The following CACYBP variants were observed in gnomAD, a reference collection of about 807,000 sequenced individuals.
CACYBP encodes calcyclin-binding protein.
CACYBP carries 11 observed loss-of-function variants against 29.6 expected under a neutral mutation model. The ratio of observed to expected loss-of-function variants is 0.37; its 90% CI spans 0.23 to 0.61. CACYBP has a LOEUF of 0.61. CACYBP is among the 20% of genes least tolerant of loss of function. The pLI, the probability that CACYBP is intolerant of heterozygous loss-of-function variation, is 0.65. For synonymous variants in CACYBP, 73 were observed against 88.3 expected (o/e 0.83, Z 0.97); for missense variants, 163 against 260.7 (o/e 0.63, Z 2.58).
In CACYBP at chr1:175,000,094, T is replaced by A; in HGVS notation, c.-87T>A. On this transcript the variant is annotated 5_prime_UTR_variant, in exon 1 of 6. Transcript: ENST00000367679. ...GCCGCGACTCGTGCGGGTAGGCGTC[T>A]GCGCTCGGTTTGAGGGCTCGGCGCG... is the stretch of plus-strand genomic sequence containing the variant. 1 of 1,537,466 alleles carries A rather than the reference T, an allele frequency of 6.5e-7. No homozygotes were observed. Among genetic ancestry groups the A allele is most frequent in the East Asian group, 2.4e-5 (1 of 40,972 alleles).
rs1193194586 is a variant in CACYBP at position 175,010,811 on chromosome 1, T to C, written c.*732T>C. 1 of 152,206 alleles carries C rather than the reference T, an allele frequency of 6.6e-6. No individual in the cohort carries two copies. Among genetic ancestry groups the C allele is most frequent in the Non-Finnish European group, 1.5e-5 (1 of 68,024 alleles). The allele number at this position is 152,206 out of a possible 1,614,324, so 9.4% of individuals were successfully genotyped here. On this transcript the variant is annotated 3_prime_UTR_variant, in exon 6 of 6. Coordinates refer to ENST00000367679, the MANE Select transcript of CACYBP (RefSeq NM_014412.3). ...AAGTTTTTCTTCATTAGAACAGTTT[T>C]ATGATTTATTTGTCTAGGAGTATGT...
At chr1:175,008,966 G>C in intron 5 of CACYBP, 1 of 377,324 alleles carries the variant, frequency 2.7e-6, no homozygotes, top group Non-Finnish European at 4.8e-6. Context: ...TAGTTTGAGA[G>C]GGGCTTAGGT....
At chr1:175,006,986 G>T in intron 3 of CACYBP, 112 bp from the exon 4 acceptor site, 1 of 855,618 alleles carries the variant, frequency 1.2e-6, no homozygotes, top group Non-Finnish European at 1.9e-6. Context: ...AGCGTTAACT[G>T]GCCAAATGCA....
intron 1 of CACYBP, among the ~76,000 whole-genome samples, chr1:175,004,392 GT>G (rs1672563616): frequency 6.6e-6 from 1 of 152,084 alleles, no homozygotes; most frequent in South Asian, 2.1e-4. Flanking sequence ...TTTATTGTTT[GT>G]TCAAGATTGT....
rs1672743798 is a variant in CACYBP at position 175,011,155 on chromosome 1, A to C, written c.*1076A>C. 1.3e-5 allele frequency: 2 copies of C among 151,768 alleles called. No individual in the cohort carries two copies. The allele number at this position is 151,768 out of a possible 1,614,324, so 9.4% of individuals were successfully genotyped here. A position where few individuals can be genotyped will look rare whatever the true frequency, so the allele number is the denominator to read the frequency against. Reference sequence around the variant, plus strand: ...CGTTAGACACACAGGAAAAATCCAGAAGGGTAAACTAAACTAAAGCTACAA... The same window carrying C: ...CGTTAGACACACAGGAAAAATCCAGCAGGGTAAACTAAACTAAAGCTACAA... On this transcript the variant is annotated 3_prime_UTR_variant, in exon 6 of 6. Coordinates refer to ENST00000367679, the MANE Select transcript of CACYBP (RefSeq NM_014412.3).
In CACYBP at chr1:175,000,191, A is replaced by AAG. The variant is rs1672433385; in HGVS notation, c.14_15dup (p.Leu6SerfsTer6). ...CCTGACCCAGCCCCCATGGCTTCAGAAGAGGTAAGTGGTCCGGCCCCATAT... is the reference window on the plus strand; with the variant it reads ...CCTGACCCAGCCCCCATGGCTTCAGAAGAGAGGTAAGTGGTCCGGCCCCATAT... On this transcript the variant is annotated frameshift_variant, in exon 1 of 6. Transcript: ENST00000367679. LOFTEE classifies it high-confidence loss of function. 3 of 1,608,128 alleles carry AAG rather than the reference A, an allele frequency of 1.9e-6. No homozygotes were observed. In the African/African-American group the frequency reaches 4.0e-5, roughly 22 times the overall value.
intron 1 of CACYBP, among the ~76,000 whole-genome samples, chr1:175,002,921 A>G (rs1672527216): frequency 6.6e-6 from 1 of 152,318 alleles, no homozygotes. Context: ...ATTTCATTTT[A>G]CATTTCAATA....
intron 5 of CACYBP, among the ~76,000 whole-genome samples, chr1:175,009,684 C>T (rs906569519): frequency 1.3e-5 from 2 of 150,514 alleles, no homozygotes; most frequent in African/African-American, 4.9e-5. Context: ...AATCCCTGTG[C>T]CTAAAAATAG....
At chr1:175,008,855 C>A in intron 5 of CACYBP, 149 bp downstream of exon 5, 1 of 608,300 alleles carries the variant, frequency 1.6e-6, no homozygotes, top group Non-Finnish European at 3.0e-6. Context: ...TTTTTAAGGT[C>A]TTTGTAGTTA....
At chr1:175,008,508 A>G in intron 4 of CACYBP, 101 bp from the exon 5 acceptor site, 1 of 690,486 alleles carries the variant, frequency 1.4e-6, no homozygotes, top group Non-Finnish European at 2.6e-6. Flanking sequence ...AAGTCTATAC[A>G]TACTAGGGAC....
At position 175,004,467 on chromosome 1, in the gene CACYBP, G is replaced by T. The variant is rs1367043045; in HGVS notation, c.16-147G>T. 3 of 545,600 alleles carry T rather than the reference G, an allele frequency of 5.5e-6. No homozygotes were observed. The African/African-American group carries it at 5.7e-5, about 10-fold the overall frequency. The allele number at this position is 545,600 out of a possible 1,614,324, so 33.8% of individuals were successfully genotyped here. On this transcript the variant is annotated intron_variant, in intron 1 of 5. Coordinates refer to ENST00000367679, the MANE Select transcript of CACYBP (RefSeq NM_014412.3). ...ATTACAGTTAATAAGCCAGATGGAA[G>T]AATTGAAGTTGCAACTCAATCCTAG...
At chr1:175,003,315 C>T (rs773641163) in intron 1 of CACYBP, among the ~76,000 whole-genome samples, 6 of 152,198 alleles carry the variant, frequency 3.9e-5, no homozygotes, top group South Asian at 2.1e-4. Flanking sequence ...GACGGGCTTT[C>T]GCCGTGTTGG....
rs1672765146 is a variant in CACYBP, at chr1:175,011,833, G to C, written c.*1754G>C. 6.6e-6 allele frequency: 1 copy of C among 152,290 alleles called. No homozygotes were observed. The highest frequency in any genetic ancestry group is 2.4e-5 in the African/African-American group (1 of 41,462). The allele number at this position is 152,290 out of a possible 1,614,324, so 9.4% of individuals were successfully genotyped here. On this transcript the variant is annotated 3_prime_UTR_variant, in exon 6 of 6. Coordinates refer to ENST00000367679, the MANE Select transcript of CACYBP (RefSeq NM_014412.3). ...TAACAAGAATATTTGGGCAGGTGCA[G>C]TGGCTCACACCTGTAATCCCAACAC...
chr1:174,999,807 C>T (rs188762152), upstream of CACYBP: 1 of 401,320 alleles, frequency 2.5e-6, no homozygotes, highest in Non-Finnish European at 4.5e-6. Context: ...CAAGACATTA[C>T]TCTTCTCGGA....
At chr1:175,002,053 C>G (rs1397917887) in intron 1 of CACYBP, among the ~76,000 whole-genome samples, 1 of 152,124 alleles carries the variant, frequency 6.6e-6, no homozygotes, top group East Asian at 1.9e-4. Context: ...GCCTTATTTC[C>G]ACTTCGTGAC....
In CACYBP at chr1:175,000,019, G is replaced by C; in HGVS notation, c.-162G>C. Reference sequence around the variant, plus strand: ...GAAGGTTCGAGATCCGTCGCGTGCGGGAGGCGGGCCGCGATCTTGCGCAGG... The same window carrying C: ...GAAGGTTCGAGATCCGTCGCGTGCGCGAGGCGGGCCGCGATCTTGCGCAGG... On this transcript the variant is annotated 5_prime_UTR_variant, in exon 1 of 6. Transcript: ENST00000367679. The C allele has an allele frequency of 9.7e-7, 1 of 1,025,946 alleles. No homozygotes were observed. Among genetic ancestry groups the C allele is most frequent in the Non-Finnish European group, 1.5e-6 (1 of 687,624 alleles). 63.6% of individuals were successfully genotyped at this position (1,025,946 alleles called of 1,614,324 possible). A position where few individuals can be genotyped will look rare whatever the true frequency, so the allele number is the denominator to read the frequency against.
rs1262217574 is a variant in CACYBP at position 175,011,263 on chromosome 1, AAC to A, written c.*1188_*1189del. ...TAGGATAGCTATAAGTAAATACTGAAACACATTATGCCTCTGTAATTGGGGTT... is the reference window on the plus strand; with the variant it reads ...TAGGATAGCTATAAGTAAATACTGAAACATTATGCCTCTGTAATTGGGGTT... On this transcript the variant is annotated 3_prime_UTR_variant, in exon 6 of 6. Coordinates refer to ENST00000367679, the MANE Select transcript of CACYBP (RefSeq NM_014412.3). The A allele has an allele frequency of 6.6e-6, 1 of 152,210 alleles. No individual in the cohort carries two copies. The highest frequency in any genetic ancestry group is 1.5e-5 in the Non-Finnish European group (1 of 68,050). 9.4% of individuals were successfully genotyped at this position (152,210 alleles called of 1,614,324 possible). A position where few individuals can be genotyped will look rare whatever the true frequency, so the allele number is the denominator to read the frequency against.
At chr1:175,007,038 A>G (rs1672636439) in intron 3 of CACYBP, 60 bp from the exon 4 acceptor site, 1 of 1,214,052 alleles carries the variant, frequency 8.2e-7, no homozygotes, top group Non-Finnish European at 1.2e-6. Flanking sequence ...CACAAGAACT[A>G]TGGAGTAAGG....
chr1:175,000,058 C>G lies in CACYBP; in HGVS notation c.-123C>G. On this transcript the variant is annotated 5_prime_UTR_variant, in exon 1 of 6. Coordinates refer to ENST00000367679, the MANE Select transcript of CACYBP (RefSeq NM_014412.3). ...ATCTTGCGCAGGGTCGGTGTGGGCG[C>G]AGGCTGCAGCGCCGCGACTCGTGCG... is the stretch of plus-strand genomic sequence containing the variant. 1.7e-5 allele frequency: 23 copies of G among 1,367,036 alleles called. No individual in the cohort carries two copies. Among genetic ancestry groups the G allele is most frequent in the Non-Finnish European group, 2.3e-5 (23 of 982,856 alleles). The allele number at this position is 1,367,036 out of a possible 1,614,324, so 84.7% of individuals were successfully genotyped here.
Sources: gnomAD v4.1 joint callset for allele counts (sites outside exome capture counted in the v4.1 genomes callset) on GRCh38, gnomAD v4.1.1 for gene constraint, MANE v1.5 for transcripts, NCBI Gene and HGNC (gene_info 2026-07-23, HGNC 2026-07-21) for gene names.